The following TTC28 variants were observed in gnomAD, a reference collection of about 807,000 sequenced individuals.
The protein encoded by TTC28 is tetratricopeptide repeat protein 28.
In TTC28, 61 loss-of-function variants were observed where a neutral mutation model predicts 198.0. The observed-to-expected ratio is 0.31, with a 90% CI of 0.25 to 0.38. The LOEUF is 0.38. Among genes scored for constraint, TTC28 ranks in the 10% least tolerant of loss-of-function variants. TTC28 has a pLI of 1.00. For synonymous variants in TTC28, 1,171 were observed against 1,297.8 expected (o/e 0.90, Z 2.10); for missense variants, 2,678 against 3,164.0 (o/e 0.85, Z 3.69).
intron 2 of TTC28, among the ~76,000 whole-genome samples, chr22:28,307,242 A>T (rs980706661): frequency 6.6e-6 from 1 of 152,190 alleles, no homozygotes; most frequent in Non-Finnish European, 1.5e-5. Context: ...TATCCTTTGT[A>T]TTCTTTAAGT....
intron 2 of TTC28, among the ~76,000 whole-genome samples, chr22:28,317,150 T>G (rs1221512957): frequency 6.6e-6 from 1 of 152,180 alleles, no homozygotes; most frequent in Non-Finnish European, 1.5e-5. Flanking sequence ...AGTGTTTCTG[T>G]CTTTCCATTT....
chr22:28,651,679 T>G (rs1263561927), intron 1 of TTC28, among the ~76,000 whole-genome samples: 1 of 152,178 alleles, frequency 6.6e-6, no homozygotes. Flanking sequence ...CCCAAAGTGC[T>G]GGGATTACAG....
chr22:28,043,867 G>C (rs1035579469), intron 12 of TTC28, among the ~76,000 whole-genome samples: 2 of 152,154 alleles, frequency 1.3e-5, no homozygotes, highest in African/African-American at 2.4e-5. Flanking sequence ...AGTGGGTAGA[G>C]AGAGTATGAG....
At chr22:28,404,701 C>T (rs1052200040) in intron 2 of TTC28, among the ~76,000 whole-genome samples, 4 of 152,326 alleles carry the variant, frequency 2.6e-5, no homozygotes, top group Admixed American at 6.5e-5. Context: ...TTACTAGAAG[C>T]ATTAACAATG....
intron 6 of TTC28, among the ~76,000 whole-genome samples, chr22:28,146,140 T>TA (rs1555923609): frequency 6.6e-6 from 1 of 152,154 alleles, no homozygotes; most frequent in Non-Finnish European, 1.5e-5. Context: ...AACAACACTG[T>TA]AAAAGCCCCT....
rs138831776 is a variant in TTC28 at position 28,545,711 on chromosome 22, A to AAT, written c.381+83839_381+83840dup. Among the ~76,000 whole-genome samples the AAT allele has an allele frequency of 1.4e-3, 209 of 152,272 alleles. 2 individuals are homozygous for AAT. The East Asian group carries it at 0.032, about 23-fold the overall frequency. ...AGACAATTGGATATTTAAATTTAAA[A>AAT]ATATATATATCATTCACAATGTTAT... is the stretch of plus-strand genomic sequence containing the variant. On this transcript the variant is annotated intron_variant, in intron 2 of 22. Transcript: ENST00000397906.
At chr22:28,478,633 A>C (rs2048199368) in intron 2 of TTC28, among the ~76,000 whole-genome samples, 2 of 152,140 alleles carry the variant, frequency 1.3e-5, no homozygotes, top group Non-Finnish European at 2.9e-5. Context: ...TGGGGTGGGA[A>C]GGTTCATCAA....
chr22:28,532,313 T>C (rs1316584919), intron 2 of TTC28, among the ~76,000 whole-genome samples: 1 of 151,920 alleles, frequency 6.6e-6, no homozygotes, highest in African/African-American at 2.4e-5. Flanking sequence ...CTAGAAGAAA[T>C]AGATAAATTC....
At chr22:28,506,585 T>G (rs2048616744) in intron 2 of TTC28, among the ~76,000 whole-genome samples, 1 of 152,234 alleles carries the variant, frequency 6.6e-6, no homozygotes, top group Admixed American at 6.5e-5. Flanking sequence ...TAAGCAGTTC[T>G]CTGATCCCAT....
chr22:28,236,612 C>T (rs866973530), intron 5 of TTC28, among the ~76,000 whole-genome samples: 23 of 152,138 alleles, frequency 1.5e-4, no homozygotes, highest in African/African-American at 5.6e-4. Flanking sequence ...GTGACCAAGA[C>T]GCTGATGCCA....
chr22:28,384,293 G>T (rs1043537695), intron 2 of TTC28, among the ~76,000 whole-genome samples: 3 of 151,804 alleles, frequency 2.0e-5, no homozygotes, highest in Admixed American at 6.6e-5. Context: ...TCATTATGTT[G>T]CCCAGGCTGA....
At chr22:27,991,391 C>G (rs1569070788) in intron 19 of TTC28, among the ~76,000 whole-genome samples, 1 of 152,182 alleles carries the variant, frequency 6.6e-6, no homozygotes, top group African/African-American at 2.4e-5. Flanking sequence ...CTGGAAGTGT[C>G]TTCCTGATGC....
chr22:28,139,131 T>A (rs1216564182), intron 6 of TTC28, among the ~76,000 whole-genome samples: 4 of 152,050 alleles, frequency 2.6e-5, no homozygotes, highest in Non-Finnish European at 4.4e-5. Context: ...ACAAACACAT[T>A]TAATGATGCC....
chr22:28,085,720 T>C (rs1212858845), intron 12 of TTC28, among the ~76,000 whole-genome samples: 2 of 151,938 alleles, frequency 1.3e-5, no homozygotes, highest in Admixed American at 6.6e-5. Flanking sequence ...GACTGGCAAA[T>C]TGGATAAAGA....
chr22:28,418,742 C>CT (rs2047202990), intron 2 of TTC28, among the ~76,000 whole-genome samples: 1 of 152,262 alleles, frequency 6.6e-6, no homozygotes, highest in Non-Finnish European at 1.5e-5. Flanking sequence ...TATTGAGCAC[C>CT]TATGTGCCTA....
chr22:28,639,920 T>C (rs2051335763), intron 1 of TTC28, among the ~76,000 whole-genome samples: 1 of 152,150 alleles, frequency 6.6e-6, no homozygotes, highest in African/African-American at 2.4e-5. Context: ...AAATATATAA[T>C]ACACGAAATT....
chr22:28,620,480 C>T (rs957090422), intron 2 of TTC28, among the ~76,000 whole-genome samples: 1 of 152,134 alleles, frequency 6.6e-6, no homozygotes. Context: ...AACTGTTGTA[C>T]CAGATCAGCT....
intron 13 of TTC28, among the ~76,000 whole-genome samples, chr22:28,017,391 G>A (rs531635484): frequency 6.6e-6 from 1 of 152,392 alleles, no homozygotes; most frequent in African/African-American, 2.4e-5. Flanking sequence ...TCCCAGTGGA[G>A]GTGGGGCAGC....
intron 12 of TTC28, among the ~76,000 whole-genome samples, chr22:28,051,259 C>A (rs895872951): frequency 3.9e-5 from 6 of 152,180 alleles, no homozygotes; most frequent in Admixed American, 1.3e-4. Flanking sequence ...TCACGGAAAG[C>A]CTTTGCAATC....
Sources: gnomAD v4.1 joint callset for allele counts (sites outside exome capture counted in the v4.1 genomes callset) on GRCh38, gnomAD v4.1.1 for gene constraint, MANE v1.5 for transcripts, NCBI Gene and HGNC (gene_info 2026-07-23, HGNC 2026-07-21) for gene names.